Variants in ARHGAP20 observed in about 807,000 individuals in gnomAD.
The protein encoded by ARHGAP20 is Rho GTPase activating protein 20, also known as rho GTPase-activating protein 20.
Under a neutral mutation model 73.7 loss-of-function variants are expected in ARHGAP20, and 34 were observed. The observed-to-expected ratio is 0.46, with a 90% CI of 0.35 to 0.61. ARHGAP20 has a LOEUF of 0.61. Among genes scored for constraint, ARHGAP20 ranks in the 20% least tolerant of loss-of-function variants. The pLI is 0.00. For missense variants in ARHGAP20, 1,314 were observed against 1,420.9 expected (o/e 0.92, Z 1.21); for synonymous variants, 523 against 518.2 (o/e 1.01, Z -0.13).
intron 1 of ARHGAP20, chr11:110,711,521 A>G: frequency 8.7e-7 from 1 of 1,153,816 alleles, no homozygotes; most frequent in African/African-American, 1.7e-5. Flanking sequence ...CACCTGGGAG[A>G]CCCGGAATCA....
Position 110,712,142 on chromosome 11 carries a change from G to T in ARHGAP20, c.90C>A (p.Gly30=), listed in dbSNP as rs751380960. The T allele has an allele frequency of 1.5e-6, 2 of 1,358,302 alleles. No individual in the cohort carries two copies. The highest frequency in any genetic ancestry group is 3.0e-5 in the Admixed American group (1 of 33,302). 84.1% of individuals were successfully genotyped at this position (1,358,302 alleles called of 1,614,324 possible). A position where few individuals can be genotyped will look rare whatever the true frequency, so the allele number is the denominator to read the frequency against. ...SLTGVSRLAG[G]SCTKKKMKTL... is the part of the protein sequence containing the mutation. ...GCGTCCTCACCTTCTTGGTGCAGCT[G>T]CCTCCCGCGAGCCGAGACACTCCTG... The change falls in exon 1 of 15, where the codon GGC becomes GGA. Residue 30 remains glycine (G), a synonymous_variant. Transcript: ENST00000683387.
intron 2 of ARHGAP20, among the ~76,000 whole-genome samples, chr11:110,669,408 G>C (rs1949785256): frequency 1.3e-5 from 2 of 151,974 alleles, no homozygotes; most frequent in African/African-American, 4.8e-5. Context: ...CCAGTGGTTA[G>C]TGCCTACCAT....
intron 7 of ARHGAP20, among the ~76,000 whole-genome samples, chr11:110,609,583 T>C (rs776373478): frequency 2.0e-5 from 3 of 152,118 alleles, no homozygotes; most frequent in African/African-American, 4.8e-5. Context: ...TTCTAGAGAA[T>C]AGGCCCAGTC....
intron 2 of ARHGAP20, among the ~76,000 whole-genome samples, chr11:110,658,801 C>T (rs189399235): frequency 3.6e-4 from 44 of 122,918 alleles, no homozygotes; most frequent in African/African-American, 9.5e-4. Flanking sequence ...TTCATGTCTT[C>T]GGTTACCAGA....
chr11:110,660,068 A>AAAAAACAAAAC (rs1565464026), intron 2 of ARHGAP20, among the ~76,000 whole-genome samples: 1 of 150,874 alleles, frequency 6.6e-6, no homozygotes, highest in African/African-American at 2.5e-5. Flanking sequence ...AAACAAAAAA[A>AAAAAACAAAAC]AAAAAAAAAA....
At chr11:110,614,438 G>T in intron 6 of ARHGAP20, 123 bp downstream of exon 6, 1 of 763,988 alleles carries the variant, frequency 1.3e-6, no homozygotes, top group Admixed American at 2.9e-5. Flanking sequence ...ATTTCTAAAT[G>T]CCTACCTTCC....
At position 110,655,569 on chromosome 11, in the gene ARHGAP20, T is replaced by C. The variant is rs551821355; in HGVS notation, c.189-24777A>G. 3.3e-5 allele frequency among the ~76,000 whole-genome samples: 5 copies of C among 152,268 alleles called. No homozygotes were observed. In the East Asian group the frequency reaches 9.6e-4, roughly 29 times the overall value. On this transcript the variant is annotated intron_variant, in intron 2 of 14. Coordinates refer to ENST00000683387, the MANE Select transcript of ARHGAP20 (RefSeq NM_001384657.1). ...ACTCAGTAAGTATTTACTAAATAAA[T>C]TATGATTATGAATATCTATCTTGTT...
intron 2 of ARHGAP20, among the ~76,000 whole-genome samples, chr11:110,669,327 T>C (rs1731847843): frequency 6.6e-6 from 1 of 152,214 alleles, no homozygotes; most frequent in African/African-American, 2.4e-5. Context: ...AAATGAGCTC[T>C]TGAAATGTGT....
At chr11:110,682,162 C>G (rs902157650) in intron 2 of ARHGAP20, among the ~76,000 whole-genome samples, 3 of 152,148 alleles carry the variant, frequency 2.0e-5, no homozygotes, top group African/African-American at 7.2e-5. Flanking sequence ...AATTCTCCAT[C>G]TTTCATCTTT....
Position 110,580,106 on chromosome 11 carries a change from C to A in ARHGAP20, c.2840G>T (p.Gly947Val), listed in dbSNP as rs1264784668. The change falls in exon 15 of 15, where the codon GGC (glycine) becomes GTC (valine). Residue 947 changes from glycine to valine, a missense_variant. Gly to Val is a moderately radical substitution (Grantham distance 109). Coordinates refer to ENST00000683387, the MANE Select transcript of ARHGAP20 (RefSeq NM_001384657.1). ...ACTGTCTTGGGAGCTTACTGATGAGCCGGATGGGGAAGTGCCTGGGGAGGA... is the reference window on the plus strand; with the variant it reads ...ACTGTCTTGGGAGCTTACTGATGAGACGGATGGGGAAGTGCCTGGGGAGGA... Reference protein sequence around the residue: ...SLSSPGTSPSGSSVSSQDSAF... With the variant: ...SLSSPGTSPSVSSVSSQDSAF... The A allele has an allele frequency of 1.9e-6, 3 of 1,614,112 alleles. No individual in the cohort carries two copies. Among genetic ancestry groups the A allele is most frequent in the Non-Finnish European group, 2.5e-6 (3 of 1,180,020 alleles).
chr11:110,664,995 G>A (rs892561416), intron 2 of ARHGAP20, among the ~76,000 whole-genome samples: 1 of 152,090 alleles, frequency 6.6e-6, no homozygotes, highest in Non-Finnish European at 1.5e-5. Flanking sequence ...TAGGTAGTCT[G>A]CAGAAATCAA....
In ARHGAP20 at chr11:110,583,461, A is replaced by C. The variant is rs1022825639; in HGVS notation, c.1605+87T>G. On this transcript the variant is annotated intron_variant, in intron 13 of 14. Coordinates refer to ENST00000683387, the MANE Select transcript of ARHGAP20 (RefSeq NM_001384657.1). Reference sequence around the variant, plus strand: ...AGGATACGGTATATTTAAGTTATTTAAGAAATCATCTTTTAGAATACCCCA... The same window carrying C: ...AGGATACGGTATATTTAAGTTATTTCAGAAATCATCTTTTAGAATACCCCA... 11 of 1,220,364 alleles carry C rather than the reference A, an allele frequency of 9.0e-6. No homozygotes were observed. The African/African-American group carries it at 1.7e-4, about 19-fold the overall frequency. 75.6% of individuals were successfully genotyped at this position (1,220,364 alleles called of 1,614,324 possible).
At chr11:110,702,841 C>T (rs1397163234) in intron 1 of ARHGAP20, among the ~76,000 whole-genome samples, 2 of 152,092 alleles carry the variant, frequency 1.3e-5, no homozygotes, top group Non-Finnish European at 2.9e-5. Flanking sequence ...TGTGAAGGAC[C>T]TCTTCAAGGA....
intron 2 of ARHGAP20, among the ~76,000 whole-genome samples, chr11:110,647,867 G>A (rs1353761761): frequency 6.6e-6 from 1 of 151,764 alleles, no homozygotes; most frequent in African/African-American, 2.4e-5. Context: ...CTCCCCTACA[G>A]TGCCAGGAAA....
chr11:110,623,247 C>G (rs1362466483), intron 4 of ARHGAP20, among the ~76,000 whole-genome samples: 1 of 152,028 alleles, frequency 6.6e-6, no homozygotes, highest in Non-Finnish European at 1.5e-5. Flanking sequence ...TGATGATGTC[C>G]TAGGAGTTTT....
In ARHGAP20 at chr11:110,606,752, A is replaced by G; in HGVS notation, c.776-3T>C. ...AATTCCATATGGATATTCATGCCCT[A>G]CACAGAGACAAATCTAAATGTAGAC... On this transcript the variant is annotated splice_polypyrimidine_tract_variant and splice_region_variant and intron_variant, in intron 8 of 14. Transcript: ENST00000683387. 1 of 1,525,066 alleles carries G rather than the reference A, an allele frequency of 6.6e-7. No homozygotes were observed. The highest frequency in any genetic ancestry group is 8.8e-7 in the Non-Finnish European group (1 of 1,138,152). 94.5% of individuals were successfully genotyped at this position (1,525,066 alleles called of 1,614,324 possible).
At chr11:110,655,475 C>T (rs1340677259) in intron 2 of ARHGAP20, among the ~76,000 whole-genome samples, 3 of 152,152 alleles carry the variant, frequency 2.0e-5, no homozygotes, top group African/African-American at 7.2e-5. Flanking sequence ...ACGTAAGCTC[C>T]GCAATGCCAA....
intron 2 of ARHGAP20, among the ~76,000 whole-genome samples, chr11:110,647,172 T>C (rs556750141): frequency 1.1e-4 from 17 of 152,150 alleles, no homozygotes; most frequent in East Asian, 5.8e-4. Flanking sequence ...TGTGTGTGTG[T>C]GTGTGCATGC....
intron 2 of ARHGAP20, among the ~76,000 whole-genome samples, chr11:110,687,057 GACACAC>G (rs761078220): frequency 1.3e-4 from 15 of 117,672 alleles, no homozygotes; most frequent in Middle Eastern, 4.2e-3. Context: ...TATATATATA[GACACAC>G]ACACACACAC....
Sources: allele counts gnomAD v4.1 joint callset (sites outside exome capture counted in the v4.1 genomes callset), GRCh38; gene constraint gnomAD v4.1.1; transcripts MANE v1.5; gene names NCBI Gene and HGNC (gene_info 2026-07-23, HGNC 2026-07-21).